The following ANKS1B variants were observed in gnomAD, a reference collection of about 807,000 sequenced individuals.
ANKS1B encodes ankyrin repeat and sterile alpha motif domain-containing protein 1B.
Under a neutral mutation model 148.3 loss-of-function variants are expected in ANKS1B, and 36 were observed. The ratio of observed to expected loss-of-function variants is 0.24; its 90% CI spans 0.19 to 0.32. The LOEUF is 0.32. ANKS1B is among the 10% of genes least tolerant of loss of function. The pLI is 1.00. For missense variants in ANKS1B, 1,157 were observed against 1,542.6 expected, an observed-to-expected ratio of 0.75 and a Z score of 4.19; for synonymous variants, 542 against 560.8, an observed-to-expected ratio of 0.97 and a Z score of 0.47.
chr12:98,756,976 G>A lies in ANKS1B; in HGVS notation c.3580-5454C>T, dbSNP rs192427092. On this transcript the variant is annotated intron_variant, in intron 25 of 26. Coordinates refer to ENST00000683438, the MANE Select transcript of ANKS1B (RefSeq NM_001352186.2). Reference sequence around the variant, plus strand: ...ACTCCTGTCCTCAGGTGATCCATCCGCCTCGGCCTCCCAAAGTGCTGGGAT... The same window carrying A: ...ACTCCTGTCCTCAGGTGATCCATCCACCTCGGCCTCCCAAAGTGCTGGGAT... Among the ~76,000 whole-genome samples the A allele has an allele frequency of 2.8e-3, 424 of 151,448 alleles. 2 individuals carry two copies. Among genetic ancestry groups the A allele is most frequent in the African/African-American group, 9.9e-3 (407 of 41,274 alleles).
chr12:99,692,781 A>G (rs1247026439), intron 8 of ANKS1B, among the ~76,000 whole-genome samples: 3 of 152,068 alleles, frequency 2.0e-5, no homozygotes, highest in Non-Finnish European at 4.4e-5. Context: ...GGGGAAGTCT[A>G]TGGGAGGAAC....
chr12:99,646,730 T>C (rs1033421417), intron 9 of ANKS1B, among the ~76,000 whole-genome samples: 15 of 148,380 alleles, frequency 1.0e-4, no homozygotes, highest in Non-Finnish European at 1.9e-4. Flanking sequence ...TGTGTTCACA[T>C]GGGTTATCAT....
At chr12:99,936,482 T>A (rs961616616) in intron 1 of ANKS1B, among the ~76,000 whole-genome samples, 3 of 152,038 alleles carry the variant, frequency 2.0e-5, no homozygotes, top group Non-Finnish European at 4.4e-5. Context: ...CCCCATCTCT[T>A]AAAAAAATGG....
chr12:99,903,482 T>C (rs2093671131), intron 1 of ANKS1B, among the ~76,000 whole-genome samples: 1 of 152,208 alleles, frequency 6.6e-6, no homozygotes, highest in Non-Finnish European at 1.5e-5. Flanking sequence ...ATAAGGCTGA[T>C]ACCCAGAGAG....
At chr12:99,155,068 T>C in intron 14 of ANKS1B, 1 of 1,534,746 alleles carries the variant, frequency 6.5e-7, no homozygotes, top group African/African-American at 1.4e-5. Context: ...CTGAATTGAA[T>C]CTTCATACTG....
chr12:99,335,003 A>G (rs2088484690), intron 12 of ANKS1B, among the ~76,000 whole-genome samples: 1 of 152,086 alleles, frequency 6.6e-6, no homozygotes, highest in African/African-American at 2.4e-5. Flanking sequence ...GTTTCAATTC[A>G]CAAAACACAG....
At chr12:99,165,312 T>C (rs2077089489) in intron 14 of ANKS1B, among the ~76,000 whole-genome samples, 2 of 151,778 alleles carry the variant, frequency 1.3e-5, no homozygotes, top group South Asian at 2.1e-4. Flanking sequence ...AAAAGATCAA[T>C]AGAGAAAAAT....
At chr12:98,765,833 T>C (rs1593067563) in intron 25 of ANKS1B, among the ~76,000 whole-genome samples, 1 of 152,186 alleles carries the variant, frequency 6.6e-6, no homozygotes, top group Admixed American at 6.5e-5. Flanking sequence ...TGACCTTAGG[T>C]GATCCGCCTG....
intron 17 of ANKS1B, chr12:98,954,196 C>A (rs2099858686): frequency 6.6e-6 from 1 of 152,240 alleles, no homozygotes; most frequent in Non-Finnish European, 1.5e-5. Flanking sequence ...CAAACACCAA[C>A]TTATGTACTT....
chr12:99,530,594 T>C (rs1015590425), intron 9 of ANKS1B, among the ~76,000 whole-genome samples: 2 of 152,194 alleles, frequency 1.3e-5, no homozygotes, highest in Non-Finnish European at 2.9e-5. Context: ...CAAAAGTGAT[T>C]TTCCATTTTT....
chr12:98,973,906 G>A (rs1428566424), intron 17 of ANKS1B, among the ~76,000 whole-genome samples: 1 of 149,520 alleles, frequency 6.7e-6, no homozygotes, highest in Non-Finnish European at 1.5e-5. Flanking sequence ...CATATCACAG[G>A]TATGTATCTA....
chr12:99,889,365 G>A (rs1484325544), intron 1 of ANKS1B, among the ~76,000 whole-genome samples: 1 of 152,166 alleles, frequency 6.6e-6, no homozygotes, highest in Non-Finnish European at 1.5e-5. Context: ...TTATGCTCTT[G>A]TCCACAATAA....
At chr12:98,954,469 G>A (rs189718485) in intron 17 of ANKS1B, 1 of 152,338 alleles carries the variant, frequency 6.6e-6, no homozygotes, top group Admixed American at 6.5e-5. Flanking sequence ...GGATGCGATT[G>A]AGCCATTAGG....
chr12:99,603,508 T>C (rs1329953274), intron 9 of ANKS1B, among the ~76,000 whole-genome samples: 1 of 152,060 alleles, frequency 6.6e-6, no homozygotes, highest in African/African-American at 2.4e-5. Flanking sequence ...CGATGTTGTC[T>C]GAAAATATGA....
At chr12:99,349,363 T>C (rs1234396574) in intron 12 of ANKS1B, among the ~76,000 whole-genome samples, 1 of 151,958 alleles carries the variant, frequency 6.6e-6, no homozygotes, top group Non-Finnish European at 1.5e-5. Flanking sequence ...ACTTTAAGTG[T>C]AAATGAATTA....
chr12:98,979,434 A>T (rs971161124), intron 17 of ANKS1B, among the ~76,000 whole-genome samples: 1 of 147,660 alleles, frequency 6.8e-6, no homozygotes, highest in Non-Finnish European at 1.5e-5. Flanking sequence ...TGCCCAGCTA[A>T]TTTTTTTTTT....
At chr12:99,251,412 A>T (rs2074576301) in intron 12 of ANKS1B, among the ~76,000 whole-genome samples, 1 of 152,136 alleles carries the variant, frequency 6.6e-6, no homozygotes, top group African/African-American at 2.4e-5. Flanking sequence ...TTTGGAAAGA[A>T]TTTTTTGTGT....
intron 16 of ANKS1B, among the ~76,000 whole-genome samples, chr12:99,059,027 G>A (rs570886245): frequency 1.7e-4 from 26 of 151,384 alleles, no homozygotes; most frequent in African/African-American, 5.3e-4. Context: ...GTGAGCCACC[G>A]CGCCCGGCCA....
At chr12:99,975,491 C>T (rs1045863634) in intron 1 of ANKS1B, among the ~76,000 whole-genome samples, 20 of 152,238 alleles carry the variant, frequency 1.3e-4, no homozygotes, top group South Asian at 8.3e-4. Flanking sequence ...TATTGTCTTT[C>T]GACTTTTAAA....
Sources: gnomAD v4.1 joint callset for allele counts (sites outside exome capture counted in the v4.1 genomes callset) on GRCh38, gnomAD v4.1.1 for gene constraint, MANE v1.5 for transcripts, NCBI Gene and HGNC (gene_info 2026-07-23, HGNC 2026-07-21) for gene names.